CHMP4C: variants seen among roughly 807,000 people sequenced by gnomAD.
CHMP4C encodes SNF7 homolog associated with Alix 3.
A neutral mutation model predicts 29.0 loss-of-function variants in CHMP4C; 28 were observed. The observed-to-expected ratio is 0.97, with a 90% CI of 0.72 to 1.32. The LOEUF is 1.32. Among genes scored for constraint, CHMP4C ranks in the 40% most tolerant of loss-of-function variants. The pLI is 0.00. For synonymous variants in CHMP4C, 106 were observed against 102.4 expected (o/e 1.04, Z -0.21); for missense variants, 291 against 281.0 (o/e 1.04, Z -0.25).
At chr8:81,737,970 G>C (rs1808715415) in intron 1 of CHMP4C, among the ~76,000 whole-genome samples, 1 of 152,146 alleles carries the variant, frequency 6.6e-6, no homozygotes, top group Admixed American at 6.6e-5. Context: ...CAAGTCTCCT[G>C]TTCCTTGCCT....
At chr8:81,749,212 A>G (rs115390646) in intron 1 of CHMP4C, among the ~76,000 whole-genome samples, 2,140 of 152,304 alleles carry the variant, frequency 0.014, 45 homozygotes, top group African/African-American at 0.049. Context: ...CCATTATATC[A>G]TGCTGTCCTT....
chr8:81,737,521 T>C (rs1440397470), intron 1 of CHMP4C, among the ~76,000 whole-genome samples: 1 of 152,226 alleles, frequency 6.6e-6, no homozygotes, highest in African/African-American at 2.4e-5. Flanking sequence ...TATTGATTTA[T>C]TTTTTGCTTA....
At chr8:81,748,320 G>A (rs528232527) in intron 1 of CHMP4C, among the ~76,000 whole-genome samples, 1 of 152,208 alleles carries the variant, frequency 6.6e-6, no homozygotes, top group East Asian at 1.9e-4. Flanking sequence ...ATAGTCCTGA[G>A]GCGACATACA....
At chr8:81,738,306 C>A (rs557608707) in intron 1 of CHMP4C, among the ~76,000 whole-genome samples, 1 of 152,166 alleles carries the variant, frequency 6.6e-6, no homozygotes, top group Non-Finnish European at 1.5e-5. Context: ...TCATTACACA[C>A]GATTCCAGTG....
intron 1 of CHMP4C, among the ~76,000 whole-genome samples, chr8:81,739,815 G>C (rs185998188): frequency 6.6e-6 from 1 of 152,222 alleles, no homozygotes. Context: ...TGTTAATACT[G>C]TCTCAATTTG....
rs760877574 is a variant in CHMP4C, at chr8:81,758,188, A to C, written c.530A>C (p.Asn177Thr). 1.9e-6 allele frequency: 3 copies of C among 1,613,972 alleles called. No individual in the cohort carries two copies. Among genetic ancestry groups the C allele is most frequent in the Non-Finnish European group, 2.5e-6 (3 of 1,179,908 alleles). The change falls in exon 4 of 5, where the codon AAT (asparagine) becomes ACT (threonine). Residue 177 changes from asparagine (N) to threonine (T), a missense_variant. Coordinates refer to ENST00000297265, the MANE Select transcript of CHMP4C (RefSeq NM_152284.4). Reference sequence around the variant, plus strand: ...GAAGAATTGGAACAGGAGGAATTAAATAAGAAGATGACAAATATCCGCCTT... The same window carrying C: ...GAAGAATTGGAACAGGAGGAATTAACTAAGAAGATGACAAATATCCGCCTT... ...ELEELEQEELNKKMTNIRLPN... is the reference protein window; with the variant it reads ...ELEELEQEELTKKMTNIRLPN...
At chr8:81,757,687 T>C (rs2130499692) in intron 3 of CHMP4C, among the ~76,000 whole-genome samples, 2 of 152,352 alleles carry the variant, frequency 1.3e-5, no homozygotes, top group South Asian at 2.1e-4. Context: ...AAAAGAACCA[T>C]AGTATCTTTA....
intron 1 of CHMP4C, among the ~76,000 whole-genome samples, chr8:81,747,777 A>G (rs1688159690): frequency 6.6e-6 from 1 of 152,280 alleles, no homozygotes; most frequent in African/African-American, 2.4e-5. Context: ...ACAGGGTAAT[A>G]GAATATCACA....
chr8:81,745,301 G>A (rs570872139), intron 1 of CHMP4C, among the ~76,000 whole-genome samples: 1 of 152,266 alleles, frequency 6.6e-6, no homozygotes, highest in African/African-American at 2.4e-5. Context: ...CCCTTCTCTA[G>A]AGATCATTCC....
At chr8:81,737,216 C>T (rs1808702980) in intron 1 of CHMP4C, among the ~76,000 whole-genome samples, 1 of 152,248 alleles carries the variant, frequency 6.6e-6, no homozygotes, top group East Asian at 1.9e-4. Context: ...CTTAAATAGT[C>T]ACCTGGATGC....
At chr8:81,734,671 T>C (rs1186177036) in intron 1 of CHMP4C, among the ~76,000 whole-genome samples, 1 of 152,082 alleles carries the variant, frequency 6.6e-6, no homozygotes, top group South Asian at 2.1e-4. Flanking sequence ...CATTTCCTTC[T>C]AGGAAGTGGT....
At chr8:81,739,714 A>G (rs949484737) in intron 1 of CHMP4C, among the ~76,000 whole-genome samples, 1 of 152,218 alleles carries the variant, frequency 6.6e-6, no homozygotes, top group African/African-American at 2.4e-5. Flanking sequence ...TTTCTGAGCC[A>G]TTGCAAGGAT....
chr8:81,757,177 T>C (rs1178344860), intron 3 of CHMP4C, among the ~76,000 whole-genome samples: 1 of 152,194 alleles, frequency 6.6e-6, no homozygotes, highest in Admixed American at 6.5e-5. Flanking sequence ...TCCTTGAATA[T>C]AGGGAGTGTT....
chr8:81,752,626 C>T (rs1808917422), intron 1 of CHMP4C, among the ~76,000 whole-genome samples: 1 of 152,152 alleles, frequency 6.6e-6, no homozygotes, highest in African/African-American at 2.4e-5. Context: ...TTAAGCAAGT[C>T]ACTTCACTTC....
chr8:81,751,234 A>G (rs1808899232), intron 1 of CHMP4C, among the ~76,000 whole-genome samples: 1 of 152,178 alleles, frequency 6.6e-6, no homozygotes, highest in Non-Finnish European at 1.5e-5. Context: ...GAAAGAGGAC[A>G]ATATAGAATA....
intron 1 of CHMP4C, among the ~76,000 whole-genome samples, chr8:81,752,645 C>T (rs917281132): frequency 3.9e-5 from 6 of 152,152 alleles, no homozygotes; most frequent in Non-Finnish European, 5.9e-5. Flanking sequence ...TCTCTGGTCT[C>T]AATGAACTTG....
At chr8:81,750,392 G>C (rs1033439352) in intron 1 of CHMP4C, among the ~76,000 whole-genome samples, 3 of 151,454 alleles carry the variant, frequency 2.0e-5, no homozygotes, top group African/African-American at 7.3e-5. Context: ...CTTGAGGCCA[G>C]GAATTTGAGA....
chr8:81,750,781 G>A (rs1054829443), intron 1 of CHMP4C, among the ~76,000 whole-genome samples: 3 of 151,934 alleles, frequency 2.0e-5, no homozygotes, highest in Non-Finnish European at 4.4e-5. Flanking sequence ...AGAAAAGAGT[G>A]ATAAAAGAAA....
intron 2 of CHMP4C, among the ~76,000 whole-genome samples, chr8:81,754,509 A>G (rs1358543746): frequency 6.6e-6 from 1 of 152,156 alleles, no homozygotes; most frequent in African/African-American, 2.4e-5. Context: ...AGGGAAACTC[A>G]CAAAAAAATT....
Sources: allele counts gnomAD v4.1 joint callset (sites outside exome capture counted in the v4.1 genomes callset), GRCh38; gene constraint gnomAD v4.1.1; transcripts MANE v1.5; gene names NCBI Gene and HGNC (gene_info 2026-07-23, HGNC 2026-07-21).